The following ADGRG3 variants were observed in gnomAD, a reference collection of about 807,000 sequenced individuals.
ADGRG3 encodes adhesion G protein-coupled receptor G3.
In ADGRG3, 39 loss-of-function variants were observed where a neutral mutation model predicts 54.3. The ratio of observed to expected loss-of-function variants is 0.72; its 90% CI spans 0.56 to 0.94. The LOEUF is 0.94. ADGRG3 is among the 40% of genes least tolerant of loss of function. The pLI, the probability that ADGRG3 is intolerant of heterozygous loss-of-function variation, is 0.00. For missense variants in ADGRG3, 654 were observed against 694.6 expected (o/e 0.94, Z 0.66); for synonymous variants, 312 against 290.0 (o/e 1.08, Z -0.77).
At position 57,688,864 on chromosome 16, in the gene ADGRG3, C is replaced by T. The variant is rs1178911354; in HGVS notation, c.*403C>T. On this transcript the variant is annotated 3_prime_UTR_variant, in exon 12 of 12. Coordinates refer to ENST00000333493, the MANE Select transcript of ADGRG3 (RefSeq NM_170776.5). The stretch of plus-strand genomic sequence containing the variant: ...CTTGTCACTGGCCTCCCACAACTCC[C>T]CTTCTGGCTGCCTGTAACCTTGAGG... The T allele has an allele frequency of 2.3e-5, 4 of 170,732 alleles. No homozygotes were observed. The highest frequency in any genetic ancestry group is 9.5e-5 in the African/African-American group (4 of 42,198). 10.6% of individuals were successfully genotyped at this position (170,732 alleles called of 1,614,324 possible). A position where few individuals can be genotyped will look rare whatever the true frequency, so the allele number is the denominator to read the frequency against.
chr16:57,688,302 C>A, intron 11 of ADGRG3, 50 bp from the exon 12 acceptor site: 1 of 1,213,130 alleles, frequency 8.2e-7, no homozygotes, highest in Non-Finnish European at 1.2e-6. Flanking sequence ...GGCTGCCCCA[C>A]TCTCTGCCCA....
intron 1 of ADGRG3, among the ~76,000 whole-genome samples, chr16:57,669,568 G>C (rs1300392907): frequency 2.0e-5 from 3 of 152,194 alleles, no homozygotes; most frequent in Non-Finnish European, 4.4e-5. Context: ...TGGTGATGTG[G>C]GTGCTCTGGT....
chr16:57,678,321 G>C lies in ADGRG3; in HGVS notation c.492+5G>C, dbSNP rs2048300443. On this transcript the variant is annotated splice_donor_5th_base_variant and intron_variant, in intron 4 of 11. Transcript: ENST00000333493. ...GGTCCAGGGACTCTCTTCAAGGTGAGGACTCAGGGAAGCTCCAAGGTTAAG... is the reference window on the plus strand; with the variant it reads ...GGTCCAGGGACTCTCTTCAAGGTGACGACTCAGGGAAGCTCCAAGGTTAAG... The C allele has an allele frequency of 1.2e-6, 2 of 1,613,978 alleles. No individual in the cohort carries two copies. The highest frequency in any genetic ancestry group is 2.7e-5 in the African/African-American group (2 of 74,932).
intron 3 of ADGRG3, among the ~76,000 whole-genome samples, chr16:57,677,513 C>T (rs1227680089): frequency 1.3e-5 from 2 of 152,038 alleles, no homozygotes; most frequent in South Asian, 2.1e-4. Context: ...ACCTGGGAGG[C>T]GGAGGTTGCA....
chr16:57,669,272 T>C (rs2048109579), intron 1 of ADGRG3, among the ~76,000 whole-genome samples: 1 of 152,246 alleles, frequency 6.6e-6, no homozygotes, highest in African/African-American at 2.4e-5. Context: ...TTTGGCCACA[T>C]AGATCAACTT....
At position 57,673,284 on chromosome 16, in the gene ADGRG3, G is replaced by A. The variant is rs117714841; in HGVS notation, c.59-37G>A. ...CTCCTCATCCTTGCTGCCCATCTTC[G>A]TCCAGCCCATTCACACTCTCTGCAT... On this transcript the variant is annotated intron_variant, in intron 1 of 11. Coordinates refer to ENST00000333493, the MANE Select transcript of ADGRG3 (RefSeq NM_170776.5). 3.3e-5 allele frequency: 52 copies of A among 1,588,464 alleles called. No individual in the cohort carries two copies. The East Asian group carries it at 5.0e-4, about 15-fold the overall frequency.
At chr16:57,674,741 T>TG (rs1404970526) in intron 2 of ADGRG3, 1 of 242,086 alleles carries the variant, frequency 4.1e-6, no homozygotes, top group East Asian at 1.2e-4. Flanking sequence ...CCTAGCACTT[T>TG]GGGAGGCCGA....
At chr16:57,681,726 CAA>C (rs775852211) in intron 8 of ADGRG3, among the ~76,000 whole-genome samples, 13 of 75,210 alleles carry the variant, frequency 1.7e-4, no homozygotes, top group African/African-American at 2.7e-4. Context: ...AACTCCGTCT[CAA>C]AAAAAAAAAA....
intron 1 of ADGRG3, among the ~76,000 whole-genome samples, chr16:57,670,265 G>A (rs1175564509): frequency 6.6e-6 from 1 of 152,226 alleles, no homozygotes; most frequent in African/African-American, 2.4e-5. Context: ...GGGTCTCCTT[G>A]TCTACATGAA....
At chr16:57,686,294 G>A (rs1438650080) in intron 11 of ADGRG3, among the ~76,000 whole-genome samples, 2 of 152,172 alleles carry the variant, frequency 1.3e-5, no homozygotes, top group Admixed American at 6.5e-5. Context: ...ATCACATGGC[G>A]AGAGTGGGAG....
intron 5 of ADGRG3, 46 bp from the exon 6 acceptor site, chr16:57,679,770 C>G (rs772910716): frequency 2.6e-6 from 4 of 1,546,670 alleles, no homozygotes; most frequent in Non-Finnish European, 3.6e-6. Context: ...TGCCCTCCCC[C>G]AAACTTCCCT....
At chr16:57,677,640 C>T (rs1387580846) in intron 3 of ADGRG3, among the ~76,000 whole-genome samples, 4 of 152,136 alleles carry the variant, frequency 2.6e-5, no homozygotes, top group Admixed American at 1.3e-4. Flanking sequence ...TCTGACGATT[C>T]TTTGTTTTTT....
Position 57,668,413 on chromosome 16 carries a change from G to A in ADGRG3, c.58+8G>A. 2 of 1,565,426 alleles carry A rather than the reference G, an allele frequency of 1.3e-6. No individual in the cohort carries two copies. The highest frequency in any genetic ancestry group is 8.6e-7 in the Non-Finnish European group (1 of 1,163,524). ...TCCTGCTCCCGACCTCAGGTGAGTG[G>A]CTGGCACCTCATCCCCTCCTGCCAC... On this transcript the variant is annotated splice_region_variant and intron_variant, in intron 1 of 11. Coordinates refer to ENST00000333493, the MANE Select transcript of ADGRG3 (RefSeq NM_170776.5).
Position 57,677,320 on chromosome 16 carries a change from C to T in ADGRG3, c.346-850C>T, listed in dbSNP as rs537479778. Among the ~76,000 whole-genome samples the T allele has an allele frequency of 1.8e-4, 28 of 152,290 alleles. 1 individual carries two copies. The South Asian group carries it at 2.9e-3, about 16-fold the overall frequency. On this transcript the variant is annotated intron_variant, in intron 3 of 11. Coordinates refer to ENST00000333493, the MANE Select transcript of ADGRG3 (RefSeq NM_170776.5). ...CTTTGCAGCCGGGCACAGTGGCTCA[C>T]GCCTGTAATACCAGCACTTTGGGAG... is the stretch of plus-strand genomic sequence containing the variant.
chr16:57,675,928 C>A (rs1273609890), intron 2 of ADGRG3, among the ~76,000 whole-genome samples: 2 of 152,168 alleles, frequency 1.3e-5, no homozygotes, highest in Non-Finnish European at 2.9e-5. Flanking sequence ...TTGAATTGGA[C>A]ACTTTAAAAT....
chr16:57,670,029 G>A (rs1212397917), intron 1 of ADGRG3, among the ~76,000 whole-genome samples: 3 of 152,206 alleles, frequency 2.0e-5, no homozygotes, highest in Admixed American at 1.3e-4. Context: ...CCAGACTGTG[G>A]CTACAGGAGG....
chr16:57,686,282 G>A (rs1205943566), intron 11 of ADGRG3, among the ~76,000 whole-genome samples: 3 of 152,194 alleles, frequency 2.0e-5, no homozygotes, highest in Non-Finnish European at 2.9e-5. Flanking sequence ...GGGAGCCAGC[G>A]TATCACATGG....
intron 2 of ADGRG3, 28 bp from the exon 3 acceptor site, chr16:57,676,172 C>T (rs781519756): frequency 6.2e-7 from 1 of 1,609,974 alleles, no homozygotes; most frequent in Non-Finnish European, 8.5e-7. Flanking sequence ...CAGGATCCTA[C>T]CCTCCCCCCA....
intron 1 of ADGRG3, among the ~76,000 whole-genome samples, chr16:57,671,894 A>T (rs933128359): frequency 1.3e-5 from 2 of 152,178 alleles, no homozygotes; most frequent in African/African-American, 4.8e-5. Context: ...GTGGTAGCTC[A>T]TGCCTATAAA....
Sources: allele counts gnomAD v4.1 joint callset (sites outside exome capture counted in the v4.1 genomes callset), GRCh38; gene constraint gnomAD v4.1.1; transcripts MANE v1.5; gene names NCBI Gene and HGNC (gene_info 2026-07-23, HGNC 2026-07-21).